MSI2: variants seen among roughly 807,000 people sequenced by gnomAD.
MSI2 encodes the protein RNA-binding protein Musashi homolog 2.
A neutral mutation model predicts 45.6 loss-of-function variants in MSI2; 17 were observed. That is an observed-to-expected ratio of 0.37 (90% CI 0.26 to 0.56). The LOEUF is 0.56. MSI2 is among the 20% of genes least tolerant of loss of function. The pLI, the probability that MSI2 is intolerant of heterozygous loss-of-function variation, is 0.77. For missense variants in MSI2, 293 were observed against 444.2 expected, an observed-to-expected ratio of 0.66 and a Z score of 3.06; for synonymous variants, 156 against 158.2, an observed-to-expected ratio of 0.99 and a Z score of 0.11.
chr17:57,632,804 G>C, intron 10 of MSI2: 1 of 1,065,404 alleles, frequency 9.4e-7, no homozygotes, highest in Non-Finnish European at 1.1e-6. Flanking sequence ...GCTTCCATTT[G>C]ATGCATTTGA....
At chr17:57,395,208 A>G (rs2083867745) in intron 5 of MSI2, among the ~76,000 whole-genome samples, 1 of 152,226 alleles carries the variant, frequency 6.6e-6, no homozygotes, top group South Asian at 2.1e-4. Context: ...GGCTTACCCT[A>G]TGTCCAGGAT....
chr17:57,469,110 A>G (rs2586221), intron 6 of MSI2, among the ~76,000 whole-genome samples: 59,549 of 152,026 alleles, frequency 0.39, 14,273 homozygotes, highest in South Asian at 0.65. Context: ...GCTGGCTCCA[A>G]GAGCCTCTTT....
intron 5 of MSI2, among the ~76,000 whole-genome samples, chr17:57,325,749 G>A (rs763064144): frequency 5.7e-4 from 87 of 152,320 alleles, no homozygotes; most frequent in Middle Eastern, 3.4e-3. Context: ...TACCCAGGGG[G>A]ATTTTAGGAA....
Position 57,575,004 on chromosome 17 carries a change from G to A in MSI2, c.455-21864G>A, listed in dbSNP as rs537816707. Among the ~76,000 whole-genome samples, 40 of 152,050 alleles carry A rather than the reference G, an allele frequency of 2.6e-4. No homozygotes were observed. In the South Asian group the frequency reaches 7.9e-3, roughly 30 times the overall value. On this transcript the variant is annotated intron_variant, in intron 7 of 13. Coordinates refer to ENST00000284073, the MANE Select transcript of MSI2 (RefSeq NM_138962.4). ...CACCACCACGCCCGGCTAATTTTTT[G>A]TGTTTTTAGTAGAGATGGGGTTTCA... is the stretch of plus-strand genomic sequence containing the variant.
chr17:57,474,375 C>G (rs528957389), intron 6 of MSI2, among the ~76,000 whole-genome samples: 1 of 152,186 alleles, frequency 6.6e-6, no homozygotes, highest in Non-Finnish European at 1.5e-5. Context: ...CTGTTCAACT[C>G]ATGCAGACCA....
At chr17:57,520,544 C>T (rs936819876) in intron 6 of MSI2, among the ~76,000 whole-genome samples, 4 of 152,080 alleles carry the variant, frequency 2.6e-5, no homozygotes, top group Non-Finnish European at 4.4e-5. Flanking sequence ...GTGAAGAGTT[C>T]GAGAAATGTT....
chr17:57,318,640 G>A (rs1255654737), intron 5 of MSI2, among the ~76,000 whole-genome samples: 1 of 150,412 alleles, frequency 6.6e-6, no homozygotes, highest in African/African-American at 2.5e-5. Context: ...AAAGGTGCCT[G>A]TTGTGGGGGG....
intron 5 of MSI2, among the ~76,000 whole-genome samples, chr17:57,327,151 G>A (rs973290391): frequency 3.3e-5 from 5 of 152,140 alleles, no homozygotes; most frequent in Non-Finnish European, 5.9e-5. Context: ...GTAATCCACC[G>A]TAATCCAAGC....
chr17:57,399,171 C>A (rs2083942911), intron 5 of MSI2, among the ~76,000 whole-genome samples: 1 of 152,212 alleles, frequency 6.6e-6, no homozygotes, highest in Non-Finnish European at 1.5e-5. Context: ...CCAACCAGGT[C>A]ATGAGAGGTA....
chr17:57,411,735 G>A (rs960802914), intron 6 of MSI2, among the ~76,000 whole-genome samples: 6 of 152,116 alleles, frequency 3.9e-5, no homozygotes, highest in Non-Finnish European at 8.8e-5. Context: ...ATGGCCAGGC[G>A]CAGTGGTTCA....
intron 5 of MSI2, among the ~76,000 whole-genome samples, chr17:57,334,342 T>G (rs1357320289): frequency 6.6e-6 from 1 of 151,952 alleles, no homozygotes; most frequent in Non-Finnish European, 1.5e-5. Context: ...GGGTAGGTGG[T>G]GATTAAAAAT....
rs543160935 is a variant in MSI2 at position 57,420,333 on chromosome 17, T to G, written c.405+18862T>G. Among the ~76,000 whole-genome samples, 126 of 152,352 alleles carry G rather than the reference T, an allele frequency of 8.3e-4. 1 individual carries two copies. Among genetic ancestry groups the G allele is most frequent in the African/African-American group, 3.0e-3 (124 of 41,586 alleles). ...AATGAATTATGGGCTCTCACGATTT[T>G]TATTTGTCCATGGTGGCATAGGTGG... On this transcript the variant is annotated intron_variant, in intron 6 of 13. Transcript: ENST00000284073.
intron 10 of MSI2, among the ~76,000 whole-genome samples, chr17:57,642,795 A>G (rs1462804731): frequency 6.6e-6 from 1 of 152,214 alleles, no homozygotes; most frequent in African/African-American, 2.4e-5. Flanking sequence ...GTCTTGAGTT[A>G]TCAGTTCTGC....
At chr17:57,648,966 T>C (rs1910910096) in intron 10 of MSI2, among the ~76,000 whole-genome samples, 1 of 152,160 alleles carries the variant, frequency 6.6e-6, no homozygotes, top group African/African-American at 2.4e-5. Flanking sequence ...CCCAGAGAGT[T>C]GTTTCCACCA....
In MSI2 at chr17:57,519,511, T is replaced by C. The variant is rs969190141; in HGVS notation, c.406-10165T>C. ...CCAGCTCTGCTAGAGGCTTGCTCCA[T>C]GACTATGGAGGAGCCCGGTGATCTC... On this transcript the variant is annotated intron_variant, in intron 6 of 13. Coordinates refer to ENST00000284073, the MANE Select transcript of MSI2 (RefSeq NM_138962.4). Among the ~76,000 whole-genome samples, 3 of 151,806 alleles carry C rather than the reference T, an allele frequency of 2.0e-5. No homozygotes were observed. The East Asian group carries it at 5.8e-4, about 29-fold the overall frequency.
At chr17:57,436,839 A>C (rs1359719619) in intron 6 of MSI2, among the ~76,000 whole-genome samples, 1 of 152,214 alleles carries the variant, frequency 6.6e-6, no homozygotes, top group Non-Finnish European at 1.5e-5. Context: ...TTCTGCAAGC[A>C]GAGATGAGTA....
intron 5 of MSI2, among the ~76,000 whole-genome samples, chr17:57,285,343 G>A (rs569261205): frequency 6.6e-6 from 1 of 152,246 alleles, no homozygotes; most frequent in Non-Finnish European, 1.5e-5. Context: ...AAATAGATTA[G>A]CAACCCAGCA....
chr17:57,488,701 G>A (rs544616601), intron 6 of MSI2, among the ~76,000 whole-genome samples: 21 of 152,244 alleles, frequency 1.4e-4, no homozygotes, highest in East Asian at 7.7e-4. Flanking sequence ...GTGTGTGCCT[G>A]TAATCCCAGC....
intron 5 of MSI2, among the ~76,000 whole-genome samples, chr17:57,288,119 A>G (rs1042084771): frequency 4.6e-5 from 7 of 152,156 alleles, no homozygotes; most frequent in African/African-American, 1.7e-4. Context: ...TGGCTATGTG[A>G]CCTGGCCAAG....
Sources: allele counts gnomAD v4.1 joint callset (sites outside exome capture counted in the v4.1 genomes callset), GRCh38; gene constraint gnomAD v4.1.1; transcripts MANE v1.5; gene names NCBI Gene and HGNC (gene_info 2026-07-23, HGNC 2026-07-21).